PCCA: variants seen among roughly 807,000 people sequenced by gnomAD.
PCCA encodes the protein propionyl-CoA carboxylase subunit alpha, also known as propionyl-CoA carboxylase alpha chain, mitochondrial.
PCCA carries 74 observed loss-of-function variants against 101.3 expected under a neutral mutation model. That is an observed-to-expected ratio of 0.73 (90% CI 0.61 to 0.89). The LOEUF is 0.89. Ranked by LOEUF, PCCA falls within the 40% of genes least tolerant of loss-of-function variation. PCCA has a pLI of 0.00. For missense variants in PCCA, 891 were observed against 907.0 expected (o/e 0.98, Z 0.23); for synonymous variants, 294 against 313.6 (o/e 0.94, Z 0.66).
At position 100,185,011 on chromosome 13, in the gene PCCA, G is replaced by A. The variant is rs369592836; in HGVS notation, c.469-24321G>A. 3.6e-3 allele frequency among the ~76,000 whole-genome samples: 548 copies of A among 152,202 alleles called. 8 individuals are homozygous for A. Among genetic ancestry groups the A allele is most frequent in the African/African-American group, 0.013 (525 of 41,526 alleles). On this transcript the variant is annotated intron_variant, in intron 6 of 23. Coordinates refer to ENST00000376285, the MANE Select transcript of PCCA (RefSeq NM_000282.4). The stretch of plus-strand genomic sequence containing the variant: ...AAATAGGACATATATACCGAAAAAT[G>A]CACATAATGTAAATGTACAGCTTTA...
intron 9 of PCCA, among the ~76,000 whole-genome samples, chr13:100,259,213 C>T (rs1010583035): frequency 4.6e-5 from 7 of 151,812 alleles, no homozygotes; most frequent in African/African-American, 1.7e-4. Flanking sequence ...TTCCTTTATC[C>T]TAAGGGGTGT....
At chr13:100,305,945 C>A in intron 14 of PCCA, 1 of 312,838 alleles carries the variant, frequency 3.2e-6, no homozygotes. Flanking sequence ...GAAATAAAAG[C>A]CCTTCAGGTA....
chr13:100,382,766 A>G (rs558801888), intron 19 of PCCA, among the ~76,000 whole-genome samples: 42 of 152,142 alleles, frequency 2.8e-4, no homozygotes, highest in African/African-American at 1.0e-3. Flanking sequence ...TTGTCAGGGA[A>G]AAAATAAATT....
intron 22 of PCCA, among the ~76,000 whole-genome samples, chr13:100,518,398 G>C (rs1162580332): frequency 6.6e-6 from 1 of 152,192 alleles, no homozygotes; most frequent in Admixed American, 6.5e-5. Flanking sequence ...TCCGCTCGGG[G>C]CGCTTGGTGT....
chr13:100,528,005 G>A (rs1019792923), intron 23 of PCCA, among the ~76,000 whole-genome samples: 1 of 152,220 alleles, frequency 6.6e-6, no homozygotes, highest in African/African-American at 2.4e-5. Flanking sequence ...TCACCTTAAT[G>A]TCTTTCTTTC....
At chr13:100,180,590 T>C (rs1375221336) in intron 6 of PCCA, among the ~76,000 whole-genome samples, 1 of 151,918 alleles carries the variant, frequency 6.6e-6, no homozygotes, top group Non-Finnish European at 1.5e-5. Flanking sequence ...GATACAGAGG[T>C]TGTATGTATG....
At chr13:100,354,592 A>G (rs1213101524) in intron 18 of PCCA, among the ~76,000 whole-genome samples, 1 of 152,212 alleles carries the variant, frequency 6.6e-6, no homozygotes, top group Non-Finnish European at 1.5e-5. Flanking sequence ...GATCACAGAA[A>G]TGACAAACCT....
chr13:100,194,436 G>T (rs2057958725), intron 6 of PCCA, among the ~76,000 whole-genome samples: 1 of 152,074 alleles, frequency 6.6e-6, no homozygotes, highest in South Asian at 2.1e-4. Context: ...TATTATTTTT[G>T]AGACGGAGTC....
chr13:100,524,068 TAC>T (rs2087523775), intron 22 of PCCA, among the ~76,000 whole-genome samples: 1 of 152,216 alleles, frequency 6.6e-6, no homozygotes, highest in Admixed American at 6.5e-5. Flanking sequence ...TGGTGTACCC[TAC>T]ATGTACTCTA....
intron 6 of PCCA, among the ~76,000 whole-genome samples, chr13:100,173,376 C>A (rs746343484): frequency 5.3e-5 from 8 of 152,044 alleles, no homozygotes; most frequent in African/African-American, 1.9e-4. Flanking sequence ...ACAGGAATAA[C>A]GGCATTTGGT....
chr13:100,127,739 A>T (rs1485643309), intron 4 of PCCA, among the ~76,000 whole-genome samples: 2 of 151,288 alleles, frequency 1.3e-5, no homozygotes, highest in African/African-American at 4.9e-5. Context: ...AAAAATACAA[A>T]AAGTTAGCCG....
At chr13:100,522,133 C>T (rs1406895263) in intron 22 of PCCA, among the ~76,000 whole-genome samples, 1 of 152,240 alleles carries the variant, frequency 6.6e-6, no homozygotes, top group Non-Finnish European at 1.5e-5. Flanking sequence ...TGCCCTGCTT[C>T]TGTACAGCAG....
chr13:100,458,356 A>T (rs1429869254), intron 21 of PCCA, among the ~76,000 whole-genome samples: 10 of 74,954 alleles, frequency 1.3e-4, no homozygotes, highest in African/African-American at 4.6e-4. Context: ...GTGGGACCCC[A>T]TCTCTACACA....
At chr13:100,515,180 G>T (rs778852775) in intron 21 of PCCA, among the ~76,000 whole-genome samples, 9 of 152,192 alleles carry the variant, frequency 5.9e-5, no homozygotes, top group Non-Finnish European at 1.2e-4. Flanking sequence ...TAAAGATACA[G>T]GATGATACTT....
intron 4 of PCCA, among the ~76,000 whole-genome samples, chr13:100,130,914 G>T (rs1262340943): frequency 1.3e-5 from 2 of 152,154 alleles, no homozygotes; most frequent in African/African-American, 4.8e-5. Context: ...TCAGTAAGAA[G>T]TGTTTCCATG....
chr13:100,246,046 G>T (rs111422542), intron 8 of PCCA, among the ~76,000 whole-genome samples: 2 of 152,270 alleles, frequency 1.3e-5, no homozygotes, highest in Admixed American at 1.3e-4. Context: ...TCGGGCAAGA[G>T]GATTCAGCCT....
chr13:100,272,177 C>T (rs954406061), intron 11 of PCCA, among the ~76,000 whole-genome samples: 3 of 152,046 alleles, frequency 2.0e-5, no homozygotes, highest in Non-Finnish European at 2.9e-5. Context: ...TGAAGCCAAA[C>T]GTGCAGGATT....
intron 21 of PCCA, chr13:100,491,861 A>G: frequency 1.3e-6 from 1 of 747,116 alleles, no homozygotes; most frequent in Non-Finnish European, 1.7e-6. Context: ...TTTAGTGAAT[A>G]TGAGTTAAAT....
intron 21 of PCCA, among the ~76,000 whole-genome samples, chr13:100,475,523 TACCTTAACA>T (rs1244423833): frequency 2.0e-5 from 3 of 152,232 alleles, no homozygotes; most frequent in Non-Finnish European, 2.9e-5. Context: ...TGTATGGATA[TACCTTAACA>T]TTTTATTTAC....
Sources: gnomAD v4.1 joint callset for allele counts (sites outside exome capture counted in the v4.1 genomes callset) on GRCh38, gnomAD v4.1.1 for gene constraint, MANE v1.5 for transcripts, NCBI Gene and HGNC (gene_info 2026-07-23, HGNC 2026-07-21) for gene names.